Variants in CPPED1 observed in about 807,000 individuals in gnomAD.
CPPED1 encodes the protein calcineurin like phosphoesterase domain containing 1, also known as serine/threonine-protein phosphatase CPPED1.
A neutral mutation model predicts 28.0 loss-of-function variants in CPPED1; 28 were observed. The ratio of observed to expected loss-of-function variants is 1.00; its 90% confidence interval spans 0.74 to 1.37. The LOEUF (loss-of-function observed/expected upper bound fraction) is 1.37. Ranked by LOEUF, CPPED1 falls within the 40% of genes most tolerant of loss-of-function variation. CPPED1 has a pLI of 0.00. For missense variants in CPPED1, 504 were observed against 416.5 expected, an observed-to-expected ratio of 1.21 and a Z score of -1.83; for synonymous variants, 198 against 180.2, an observed-to-expected ratio of 1.10 and a Z score of -0.79.
chr16:12,793,906 T>C (rs1028037283), intron 1 of CPPED1, among the ~76,000 whole-genome samples: 1 of 152,238 alleles, frequency 6.6e-6, no homozygotes, highest in Non-Finnish European at 1.5e-5. Context: ...GCAGGCTTTC[T>C]AGCTAAAGAG....
chr16:12,712,845 G>C (rs1430725806), intron 2 of CPPED1, among the ~76,000 whole-genome samples: 3 of 152,164 alleles, frequency 2.0e-5, no homozygotes, highest in Non-Finnish European at 4.4e-5. Context: ...TGGAAGGACA[G>C]AAAACATTTC....
chr16:12,706,920 G>C (rs1050041531), intron 2 of CPPED1, among the ~76,000 whole-genome samples: 4 of 152,158 alleles, frequency 2.6e-5, no homozygotes, highest in Non-Finnish European at 5.9e-5. Context: ...GGAGCCTTAG[G>C]GAGAAGCAGG....
chr16:12,791,046 C>CT (rs111503541), intron 1 of CPPED1, among the ~76,000 whole-genome samples: 3,382 of 141,896 alleles, frequency 0.024, 84 homozygotes, highest in African/African-American at 0.064. Context: ...AATCCATCAT[C>CT]TTTTTTTTTT....
intron 1 of CPPED1, among the ~76,000 whole-genome samples, chr16:12,787,862 C>G (rs1390594522): frequency 6.6e-6 from 1 of 152,204 alleles, no homozygotes; most frequent in Non-Finnish European, 1.5e-5. Context: ...CATGGTTTAG[C>G]TGGTCCTCTG....
At chr16:12,671,259 G>A (rs1260201018) in intron 3 of CPPED1, among the ~76,000 whole-genome samples, 1 of 152,162 alleles carries the variant, frequency 6.6e-6, no homozygotes, top group East Asian at 1.9e-4. Flanking sequence ...GACATATTAA[G>A]ATTAATTAAA....
rs1451139217 is a variant in CPPED1, at chr16:12,660,181, G to T, written c.*4705C>A. ...AGGGGTGAGCGTTTGAGTGGATGTTGAAATGATGACAAGAAGCCAGTTTCT... is the reference window on the plus strand; with the variant it reads ...AGGGGTGAGCGTTTGAGTGGATGTTTAAATGATGACAAGAAGCCAGTTTCT... On this transcript the variant is annotated 3_prime_UTR_variant, in exon 4 of 4. Transcript: ENST00000381774. 6.6e-6 allele frequency: 1 copy of T among 152,216 alleles called. No homozygotes were observed. Among genetic ancestry groups the T allele is most frequent in the Admixed American group, 6.5e-5 (1 of 15,276 alleles). The allele number at this position is 152,216 out of a possible 1,614,324, so 9.4% of individuals were successfully genotyped here. A position where few individuals can be genotyped will look rare whatever the true frequency, so the allele number is the denominator to read the frequency against.
At chr16:12,796,977 T>G (rs977890866) in intron 1 of CPPED1, among the ~76,000 whole-genome samples, 3 of 152,184 alleles carry the variant, frequency 2.0e-5, no homozygotes, top group African/African-American at 7.2e-5. Flanking sequence ...CTCAGAAACC[T>G]TATGCTACCA....
intron 3 of CPPED1, among the ~76,000 whole-genome samples, chr16:12,671,438 GA>G (rs887226709): frequency 6.6e-5 from 10 of 150,444 alleles, no homozygotes; most frequent in Non-Finnish European, 1.0e-4. Flanking sequence ...CAAGGGGAGA[GA>G]AAAAAAAAGG....
chr16:12,780,824 T>C, intron 2 of CPPED1: 1 of 183,074 alleles, frequency 5.5e-6, no homozygotes, highest in South Asian at 1.4e-4. Flanking sequence ...AATAAAAGTG[T>C]AAGAAGAAAG....
chr16:12,718,808 C>G (rs939794636), intron 2 of CPPED1, among the ~76,000 whole-genome samples: 2 of 151,846 alleles, frequency 1.3e-5, no homozygotes, highest in Admixed American at 6.6e-5. Flanking sequence ...ACTAAAAATA[C>G]AAAAAATAGC....
chr16:12,698,655 T>C (rs914600421), intron 3 of CPPED1, among the ~76,000 whole-genome samples: 1 of 152,126 alleles, frequency 6.6e-6, no homozygotes, highest in Non-Finnish European at 1.5e-5. Flanking sequence ...GGTCTTGAAT[T>C]CCTGACTTCA....
intron 3 of CPPED1, among the ~76,000 whole-genome samples, chr16:12,693,894 A>G (rs748842314): frequency 1.3e-4 from 20 of 152,180 alleles, no homozygotes; most frequent in Non-Finnish European, 2.6e-4. Context: ...TGTTGTGATG[A>G]AATTAAAAAA....
chr16:12,737,053 G>A (rs930810070), intron 2 of CPPED1, among the ~76,000 whole-genome samples: 12 of 152,084 alleles, frequency 7.9e-5, no homozygotes, highest in African/African-American at 2.9e-4. Context: ...AGCTGGGTGC[G>A]ATGGCGCACA....
At chr16:12,750,995 A>G (rs2080324477) in intron 2 of CPPED1, among the ~76,000 whole-genome samples, 1 of 151,684 alleles carries the variant, frequency 6.6e-6, no homozygotes, top group African/African-American at 2.4e-5. Flanking sequence ...CAAACAAACA[A>G]CAACAACAAA....
Position 12,729,230 on chromosome 16 carries a change from C to G in CPPED1, c.290-24181G>C, listed in dbSNP as rs187078990. Among the ~76,000 whole-genome samples, 359 of 152,248 alleles carry G rather than the reference C, an allele frequency of 2.4e-3. 1 individual carries two copies. The highest frequency in any genetic ancestry group is 8.2e-3 in the African/African-American group (339 of 41,546). ...CTGTGCCTCCTAGCCCTGGCATACC[C>G]TAACCAAAATAGTGAAGATGGCTCC... On this transcript the variant is annotated intron_variant, in intron 2 of 3. Transcript: ENST00000381774.
chr16:12,780,882 G>C (rs2080526251), intron 2 of CPPED1: 1 of 377,440 alleles, frequency 2.6e-6, no homozygotes, highest in Non-Finnish European at 4.9e-6. Context: ...TCTGGAAGCA[G>C]TTCAAGTTTG....
intron 3 of CPPED1, among the ~76,000 whole-genome samples, chr16:12,696,463 T>C (rs2079991217): frequency 1.4e-5 from 2 of 143,452 alleles, no homozygotes; most frequent in Non-Finnish European, 3.0e-5. Flanking sequence ...TTTTTTGAGA[T>C]GGAGTGTCAC....
intron 3 of CPPED1, among the ~76,000 whole-genome samples, chr16:12,690,980 C>T (rs1335183689): frequency 3.9e-5 from 6 of 152,206 alleles, no homozygotes; most frequent in Non-Finnish European, 7.3e-5. Flanking sequence ...CTGCCCCACA[C>T]GGGTATCCCG....
intron 2 of CPPED1, among the ~76,000 whole-genome samples, chr16:12,726,791 A>G (rs2080172368): frequency 1.3e-5 from 2 of 152,252 alleles, no homozygotes; most frequent in South Asian, 2.1e-4. Context: ...CCTGGGTGAC[A>G]GAGCAAGACC....
Sources: gnomAD v4.1 joint callset for allele counts (sites outside exome capture counted in the v4.1 genomes callset) on GRCh38, gnomAD v4.1.1 for gene constraint, MANE v1.5 for transcripts, NCBI Gene and HGNC (gene_info 2026-07-23, HGNC 2026-07-21) for gene names.